Variants in ANKRD30BL observed in about 807,000 individuals in gnomAD.
ANKRD30BL encodes ankyrin repeat domain 30B like.
ANKRD30BL carries 20 observed loss-of-function variants against 18.4 expected under a neutral mutation model. The ratio of observed to expected loss-of-function variants is 1.09; its 90% CI spans 0.77 to 1.58. The LOEUF is 1.58. ANKRD30BL is among the 40% of genes most tolerant of loss of function. The pLI, the probability that ANKRD30BL is intolerant of heterozygous loss-of-function variation, is 0.00. For synonymous variants in ANKRD30BL, 72 were observed against 100.9 expected (o/e 0.71, Z 1.72); for missense variants, 224 against 268.6 (o/e 0.83, Z 1.16).
chr2:132,147,996 G>A lies in ANKRD30BL; in HGVS notation c.*135C>T. On this transcript the variant is annotated 3_prime_UTR_variant, in exon 6 of 6. Transcript: ENST00000409867. Reference sequence around the variant, plus strand: ...GTTAAACTTTAAAACGGAGAACAAAGAACAGAGAAGCTGAACATACTGACA... The same window carrying A: ...GTTAAACTTTAAAACGGAGAACAAAAAACAGAGAAGCTGAACATACTGACA... 1.4e-6 allele frequency: 1 copy of A among 692,242 alleles called. No homozygotes were observed. Among genetic ancestry groups the A allele is most frequent in the Middle Eastern group, 4.0e-4 (1 of 2,498 alleles). The allele number at this position is 692,242 out of a possible 1,614,324, so 42.9% of individuals were successfully genotyped here. A position where few individuals can be genotyped will look rare whatever the true frequency, so the allele number is the denominator to read the frequency against.
chr2:132,171,684 C>T (rs1466888919), intron 1 of ANKRD30BL, among the ~76,000 whole-genome samples: 2 of 152,122 alleles, frequency 1.3e-5, no homozygotes, highest in East Asian at 1.9e-4. Context: ...ATTGGGAATA[C>T]GTATTTTTTC....
Position 132,170,231 on chromosome 2 carries a change from T to C in ANKRD30BL, n.442-13085A>G, listed in dbSNP as rs1314866810. ...TGTAGGACTTTCTCCTTAGTTCAGCTAAAAGCTACATTCTTGTCACACAGC... is the reference window on the plus strand; with the variant it reads ...TGTAGGACTTTCTCCTTAGTTCAGCCAAAAGCTACATTCTTGTCACACAGC... On this transcript the variant is annotated intron_variant and non_coding_transcript_variant, in intron 1 of 4. Transcript: ENST00000470729. Among the ~76,000 whole-genome samples, 10 of 152,294 alleles carry C rather than the reference T, an allele frequency of 6.6e-5. No individual in the cohort carries two copies. The East Asian group carries it at 1.9e-3, about 29-fold the overall frequency.
chr2:132,166,521 T>C (rs556375758), upstream of ANKRD30BL, among the ~76,000 whole-genome samples: 3 of 152,162 alleles, frequency 2.0e-5, no homozygotes, highest in Non-Finnish European at 2.9e-5. Context: ...TTTGTGAGTA[T>C]TGGCATATTG....
intron 1 of ANKRD30BL, among the ~76,000 whole-genome samples, chr2:132,168,113 T>C (rs1294912148): frequency 6.6e-6 from 1 of 152,220 alleles, no homozygotes; most frequent in African/African-American, 2.4e-5. Flanking sequence ...TGACGATGTA[T>C]CACTTAAATT....
In ANKRD30BL at chr2:132,154,658, A is replaced by C. The variant is rs1687851061; in HGVS notation, c.614+4T>G. The C allele has an allele frequency of 1.4e-6, 1 of 699,238 alleles. No individual in the cohort carries two copies. Among genetic ancestry groups the C allele is most frequent in the Admixed American group, 2.1e-5 (1 of 46,902 alleles). The allele number at this position is 699,238 out of a possible 1,614,324, so 43.3% of individuals were successfully genotyped here. A position where few individuals can be genotyped will look rare whatever the true frequency, so the allele number is the denominator to read the frequency against. On this transcript the variant is annotated splice_donor_region_variant and intron_variant, in intron 4 of 5. Transcript: ENST00000409867. ...GTGTTTTTTAATAAAAAAAACTACT[A>C]TACCATTTAAACTTATCAACTGCAT...
chr2:132,153,624 C>A (rs1298506160), intron 4 of ANKRD30BL: 4 of 1,068,238 alleles, frequency 3.7e-6, no homozygotes, highest in Non-Finnish European at 5.4e-6. Flanking sequence ...GCACAGATGT[C>A]AACATTTTGC....
chr2:132,195,460 T>C (rs1340630995), intron 1 of ANKRD30BL, among the ~76,000 whole-genome samples: 3 of 151,588 alleles, frequency 2.0e-5, no homozygotes, highest in African/African-American at 7.3e-5. Context: ...TCCTTTTAAG[T>C]GAGTACACTT....
chr2:132,206,259 T>C (rs773883008), intron 1 of ANKRD30BL, among the ~76,000 whole-genome samples: 15 of 152,140 alleles, frequency 9.9e-5, no homozygotes, highest in Non-Finnish European at 2.1e-4. Flanking sequence ...TAATTTATGA[T>C]TGTGGCTATA....
intron 4 of ANKRD30BL, among the ~76,000 whole-genome samples, chr2:132,154,159 T>C (rs1687839640): frequency 6.6e-6 from 1 of 151,896 alleles, no homozygotes; most frequent in Non-Finnish European, 1.5e-5. Context: ...TGAGATGGAG[T>C]TTTACCATGT....
Position 132,154,781 on chromosome 2 carries a change from A to G in ANKRD30BL, c.508-13T>C, listed in dbSNP as rs564190930. ...GTGTGTGGCCAGCCTGTAAAACAGCAAAAACAATTTATAATTCATGAAATT... is the reference window on the plus strand; with the variant it reads ...GTGTGTGGCCAGCCTGTAAAACAGCGAAAACAATTTATAATTCATGAAATT... On this transcript the variant is annotated splice_polypyrimidine_tract_variant and intron_variant, in intron 3 of 5. Coordinates refer to ENST00000409867, the MANE Select transcript of ANKRD30BL (RefSeq NM_001358416.1). The G allele has an allele frequency of 2.9e-6, 2 of 685,102 alleles. No individual in the cohort carries two copies. Among genetic ancestry groups the G allele is most frequent in the African/African-American group, 3.6e-5 (2 of 54,960 alleles). The allele number at this position is 685,102 out of a possible 1,614,324, so 42.4% of individuals were successfully genotyped here. A position where few individuals can be genotyped will look rare whatever the true frequency, so the allele number is the denominator to read the frequency against.
chr2:132,231,510 T>G (rs1250201770), intron 1 of ANKRD30BL, among the ~76,000 whole-genome samples: 1 of 152,314 alleles, frequency 6.6e-6, no homozygotes, highest in South Asian at 2.1e-4. Context: ...AGCAGGGCGA[T>G]GCATTGCCTC....
intron 1 of ANKRD30BL, among the ~76,000 whole-genome samples, chr2:132,222,832 T>TAA (rs71001178): frequency 0.087 from 4,584 of 52,668 alleles, 1,442 homozygotes; most frequent in East Asian, 0.21. Flanking sequence ...GAATGATCAA[T>TAA]AAAAAAAAAA....
chr2:132,256,338 G>A (rs1465730689), intron 1 of ANKRD30BL, among the ~76,000 whole-genome samples: 1 of 150,922 alleles, frequency 6.6e-6, no homozygotes, highest in Non-Finnish European at 1.5e-5. Context: ...GCGGCGAACC[G>A]GACATCCCAT....
upstream of ANKRD30BL, among the ~76,000 whole-genome samples, chr2:132,165,607 C>A (rs1688175425): frequency 6.6e-6 from 1 of 151,452 alleles, no homozygotes; most frequent in Admixed American, 6.6e-5. Context: ...CCTGTAGTCC[C>A]AGCTACTCTG....
intron 1 of ANKRD30BL, among the ~76,000 whole-genome samples, chr2:132,241,772 G>A (rs796782819): frequency 4.2e-5 from 6 of 143,782 alleles, no homozygotes; most frequent in Non-Finnish European, 6.2e-5. Flanking sequence ...CTTTTGATAC[G>A]CAAGTTTTGA....
intron 1 of ANKRD30BL, among the ~76,000 whole-genome samples, chr2:132,240,603 C>T (rs548181257): frequency 1.3e-5 from 2 of 150,942 alleles, no homozygotes; most frequent in African/African-American, 4.8e-5. Flanking sequence ...TTCTTTTTGT[C>T]AAAATCGGCA....
rs1678988705 is a variant in ANKRD30BL, at chr2:132,197,274, G to GT, written n.442-40129dup. ...TATCCAGACACATTGAGGACTCTGAGTTTTAGTGTTTACAAAGCAGTTCTT... is the reference window on the plus strand; with the variant it reads ...TATCCAGACACATTGAGGACTCTGAGTTTTTAGTGTTTACAAAGCAGTTCTT... On this transcript the variant is annotated intron_variant and non_coding_transcript_variant, in intron 1 of 4. Transcript: ENST00000470729. Among the ~76,000 whole-genome samples, 3 of 152,204 alleles carry GT rather than the reference G, an allele frequency of 2.0e-5. No homozygotes were observed. The South Asian group carries it at 6.2e-4, about 31-fold the overall frequency.
At chr2:132,221,414 A>G (rs1410300514) in intron 1 of ANKRD30BL, among the ~76,000 whole-genome samples, 1 of 98,982 alleles carries the variant, frequency 1.0e-5, no homozygotes, top group Non-Finnish European at 2.0e-5. Context: ...TCCGGGAGGG[A>G]GGTGGGGGGA....
At chr2:132,197,859 T>C (rs1678997335) in intron 1 of ANKRD30BL, among the ~76,000 whole-genome samples, 1 of 152,074 alleles carries the variant, frequency 6.6e-6, no homozygotes, top group South Asian at 2.1e-4. Context: ...TACCCTGTTT[T>C]AGTTCCTATG....
Sources: allele counts gnomAD v4.1 joint callset (sites outside exome capture counted in the v4.1 genomes callset), GRCh38; gene constraint gnomAD v4.1.1; transcripts MANE v1.5; gene names NCBI Gene and HGNC (gene_info 2026-07-23, HGNC 2026-07-21).